Variants in PCDHA13 observed in about 807,000 individuals in gnomAD.
The protein encoded by PCDHA13 is protocadherin alpha 13.
PCDHA13 carries 54 observed loss-of-function variants against 64.8 expected under a neutral mutation model. The observed-to-expected ratio is 0.83, with a 90% CI of 0.67 to 1.04. The LOEUF is 1.04. PCDHA13 is among the 50% of genes least tolerant of loss of function. The probability of loss-of-function intolerance (pLI) is 0.00; values close to 1 mark genes in which losing one functional copy is unlikely to be tolerated. For missense variants in PCDHA13, 1,248 were observed against 1,254.3 expected (o/e 0.99, Z 0.08); for synonymous variants, 587 against 564.4 (o/e 1.04, Z -0.57).
chr5:140,936,113 G>T (rs1316824905), intron 1 of PCDHA13, among the ~76,000 whole-genome samples: 1 of 151,964 alleles, frequency 6.6e-6, no homozygotes, highest in African/African-American at 2.4e-5. Flanking sequence ...GGCTGGTCTC[G>T]AACTCCTGAC....
chr5:141,006,507 C>T (rs2098276539), intron 3 of PCDHA13, among the ~76,000 whole-genome samples: 1 of 152,156 alleles, frequency 6.6e-6, no homozygotes, highest in Admixed American at 6.5e-5. Flanking sequence ...GCCACCGCGC[C>T]TGGCTGTTAT....
chr5:140,975,983 T>A (rs975014640), intron 1 of PCDHA13, among the ~76,000 whole-genome samples: 31 of 152,290 alleles, frequency 2.0e-4, no homozygotes, highest in Admixed American at 2.0e-3. Flanking sequence ...AGCATAGTCC[T>A]GGGAGGTACC....
intron 1 of PCDHA13, among the ~76,000 whole-genome samples, chr5:140,961,312 A>G (rs2095603612): frequency 6.6e-6 from 1 of 152,156 alleles, no homozygotes; most frequent in Non-Finnish European, 1.5e-5. Context: ...ATGATTTACC[A>G]GGCTCTGTTT....
At chr5:140,949,271 TGAAAA>T (rs1377326965) in intron 1 of PCDHA13, among the ~76,000 whole-genome samples, 5 of 151,804 alleles carry the variant, frequency 3.3e-5, no homozygotes, top group Non-Finnish European at 5.9e-5. Flanking sequence ...CACGTGCACT[TGAAAA>T]GAATGTATAT....
chr5:141,003,343 GCT>G (rs1554259027), intron 3 of PCDHA13, among the ~76,000 whole-genome samples: 1 of 152,198 alleles, frequency 6.6e-6, no homozygotes, highest in Non-Finnish European at 1.5e-5. Context: ...TTGTTTGTTT[GCT>G]CTGTCACCCA....
chr5:140,973,554 C>T (rs897513375), intron 1 of PCDHA13, among the ~76,000 whole-genome samples: 3 of 152,316 alleles, frequency 2.0e-5, no homozygotes, highest in Admixed American at 6.5e-5. Flanking sequence ...TTTCAATTAC[C>T]TCTTTCCTCA....
chr5:140,961,366 C>A (rs1384222732), intron 1 of PCDHA13, among the ~76,000 whole-genome samples: 2 of 152,144 alleles, frequency 1.3e-5, no homozygotes, highest in Non-Finnish European at 2.9e-5. Context: ...CATTAGAATT[C>A]TCCTTCTAGT....
chr5:140,996,164 T>C (rs934521653), intron 3 of PCDHA13, among the ~76,000 whole-genome samples: 2 of 152,246 alleles, frequency 1.3e-5, no homozygotes, highest in African/African-American at 4.8e-5. Context: ...TATACTGCAA[T>C]GTGCTGACAG....
chr5:140,929,496 G>T, intron 1 of PCDHA13: 14 of 989,736 alleles, frequency 1.4e-5, no homozygotes, highest in Non-Finnish European at 1.8e-5. Context: ...TTAGAAGATT[G>T]CCCTAGGCCT....
At position 140,882,780 on chromosome 5, in the gene PCDHA13, G is replaced by T; in HGVS notation, c.512G>T (p.Arg171Leu). The T allele has an allele frequency of 1.2e-6, 2 of 1,614,160 alleles. No homozygotes were observed. Among genetic ancestry groups the T allele is most frequent in the Non-Finnish European group, 1.7e-6 (2 of 1,180,044 alleles). ...DIGVNSALTY[R>L]LDPNDYFTLD... ...GGAGTAAACTCGGCATTGACCTACC[G>T]ACTGGATCCCAACGATTATTTCACT... Residue 171 changes from arginine to leucine, a missense_variant, in exon 1 of 4, where the codon CGA (arginine) becomes CTA (leucine). Arg to Leu is a moderately radical substitution (Grantham distance 102, BLOSUM62 -2). Coordinates refer to ENST00000289272, the MANE Select transcript of PCDHA13 (RefSeq NM_018904.3).
At chr5:140,938,835 CA>C (rs2092222540) in intron 1 of PCDHA13, among the ~76,000 whole-genome samples, 1 of 152,008 alleles carries the variant, frequency 6.6e-6, no homozygotes, top group African/African-American at 2.4e-5. Flanking sequence ...TGCGTTATAA[CA>C]AACCTGCCCA....
intron 3 of PCDHA13, among the ~76,000 whole-genome samples, chr5:141,002,937 C>T (rs2098103358): frequency 6.6e-6 from 1 of 152,232 alleles, no homozygotes; most frequent in Non-Finnish European, 1.5e-5. Context: ...CCAACACCCT[C>T]CAGCACATGC....
chr5:140,962,068 G>C (rs2095654419), intron 1 of PCDHA13, among the ~76,000 whole-genome samples: 1 of 151,882 alleles, frequency 6.6e-6, no homozygotes, highest in African/African-American at 2.4e-5. Context: ...GTATTTTTTA[G>C]TAGAGACGGG....
intron 1 of PCDHA13, among the ~76,000 whole-genome samples, chr5:140,973,232 G>A (rs1307717074): frequency 6.6e-6 from 1 of 152,196 alleles, no homozygotes; most frequent in Non-Finnish European, 1.5e-5. Context: ...ATAGTGACCT[G>A]AAAGAGTTAA....
intron 3 of PCDHA13, among the ~76,000 whole-genome samples, chr5:140,999,659 G>A (rs1208907437): frequency 6.6e-6 from 1 of 152,162 alleles, no homozygotes; most frequent in African/African-American, 2.4e-5. Context: ...GAGCCCTGCT[G>A]GGTTGCGGGG....
chr5:140,977,844 G>A (rs2096777589), intron 1 of PCDHA13, among the ~76,000 whole-genome samples: 1 of 152,136 alleles, frequency 6.6e-6, no homozygotes, highest in Admixed American at 6.5e-5. Context: ...TATTACTATG[G>A]CTTTGTTTCT....
chr5:140,962,787 C>T (rs2095707732), intron 1 of PCDHA13, among the ~76,000 whole-genome samples: 1 of 152,224 alleles, frequency 6.6e-6, no homozygotes, highest in Non-Finnish European at 1.5e-5. Context: ...TTTTTAAAAA[C>T]TACTTTGGAC....
intron 3 of PCDHA13, among the ~76,000 whole-genome samples, chr5:141,007,315 C>A (rs1207897662): frequency 1.3e-5 from 2 of 148,308 alleles, no homozygotes; most frequent in Admixed American, 1.4e-4. Flanking sequence ...TTTTGGGAGG[C>A]TAAAGTGGAC....
chr5:140,882,622 T>C lies in PCDHA13; in HGVS notation c.354T>C (p.His118=), dbSNP rs782369081. 185 of 1,614,060 alleles carry C rather than the reference T, an allele frequency of 1.1e-4. No individual in the cohort carries two copies. Among genetic ancestry groups the C allele is most frequent in the Non-Finnish European group, 1.5e-4 (175 of 1,180,030 alleles). Residue 118 remains histidine, a synonymous_variant, in exon 1 of 4, where the codon CAT becomes CAC. Coordinates refer to ENST00000289272, the MANE Select transcript of PCDHA13 (RefSeq NM_018904.3). ...TGGACAGGCCTCTGCAGGTTTTCCA[T>C]GTGGAGGTGAAGGTGAGGGACATTA... ...VIVDRPLQVF[H]VEVKVRDIND...
Sources: allele counts gnomAD v4.1 joint callset (sites outside exome capture counted in the v4.1 genomes callset), GRCh38; gene constraint gnomAD v4.1.1; transcripts MANE v1.5; gene names NCBI Gene and HGNC (gene_info 2026-07-23, HGNC 2026-07-21).